Variants in BTBD16 observed in about 807,000 individuals in gnomAD.
The protein encoded by BTBD16 is BTB domain containing 16, also known as BTB/POZ domain-containing protein 16.
In BTBD16, 66 loss-of-function variants were observed where a neutral mutation model predicts 67.4. The ratio of observed to expected loss-of-function variants is 0.98; its 90% confidence interval spans 0.80 to 1.20. BTBD16 has a LOEUF of 1.20. Ranked by LOEUF, BTBD16 falls within the 50% of genes most tolerant of loss-of-function variation. The pLI is 0.00. For synonymous variants in BTBD16, 242 were observed against 236.4 expected (o/e 1.02, Z -0.22); for missense variants, 634 against 616.0 (o/e 1.03, Z -0.31).
At chr10:122,279,693 C>T (rs993652096) in intron 3 of BTBD16, among the ~76,000 whole-genome samples, 9 of 152,166 alleles carry the variant, frequency 5.9e-5, no homozygotes, top group African/African-American at 2.2e-4. Flanking sequence ...AGGTGGCAAA[C>T]TCCACTGTCA....
intron 7 of BTBD16, 57 bp from the exon 8 acceptor site, chr10:122,297,711 C>A: frequency 6.3e-7 from 1 of 1,584,704 alleles, no homozygotes; most frequent in East Asian, 2.2e-5. Flanking sequence ...CTGGGACTTT[C>A]CGCTTCTCCA....
At chr10:122,295,343 C>T in intron 7 of BTBD16, 3 of 985,412 alleles carry the variant, frequency 3.0e-6, no homozygotes. Context: ...CAGCATCAAA[C>T]TGGGATAAGC....
At chr10:122,299,188 G>T in intron 9 of BTBD16, 54 bp downstream of exon 9, 2 of 1,593,124 alleles carry the variant, frequency 1.3e-6, no homozygotes, top group South Asian at 2.3e-5. Context: ...GAGAAAGTAG[G>T]GGCCAGGCTG....
chr10:122,291,314 T>C, intron 7 of BTBD16, 120 bp downstream of exon 7: 10 of 1,254,716 alleles, frequency 8.0e-6, no homozygotes, highest in East Asian at 5.6e-5. Context: ...GGTGTCTTTG[T>C]GCCAAGCATG....
chr10:122,283,975 G>A (rs1223244252), intron 4 of BTBD16, 51 bp downstream of exon 4: 1 of 1,389,902 alleles, frequency 7.2e-7, no homozygotes. Flanking sequence ...GATTTCAGGG[G>A]CATCTTGTGG....
At chr10:122,315,888 A>T (rs2096423297) in intron 10 of BTBD16, among the ~76,000 whole-genome samples, 1 of 152,226 alleles carries the variant, frequency 6.6e-6, no homozygotes, top group African/African-American at 2.4e-5. Context: ...GAGTTCTAAT[A>T]TACATAAGTA....
chr10:122,308,685 A>C (rs2096407983), intron 10 of BTBD16, among the ~76,000 whole-genome samples: 1 of 152,102 alleles, frequency 6.6e-6, no homozygotes, highest in African/African-American at 2.4e-5. Flanking sequence ...GGGAAAGTGT[A>C]GGGCTTGGAT....
At chr10:122,313,358 G>A (rs904835151) in intron 10 of BTBD16, among the ~76,000 whole-genome samples, 1 of 143,826 alleles carries the variant, frequency 7.0e-6, no homozygotes, top group Non-Finnish European at 1.5e-5. Context: ...TCTGCCTCCC[G>A]GGTTCAAACG....
intron 10 of BTBD16, chr10:122,327,662 C>T (rs1420822303): frequency 2.1e-5 from 21 of 984,164 alleles, no homozygotes; most frequent in Non-Finnish European, 2.4e-6. Flanking sequence ...CCCAGAGGCC[C>T]CAAGGGGTCA....
intron 3 of BTBD16, among the ~76,000 whole-genome samples, chr10:122,282,749 T>G (rs1283006715): frequency 6.6e-6 from 1 of 152,222 alleles, no homozygotes; most frequent in Non-Finnish European, 1.5e-5. Context: ...ACATGCCGTA[T>G]CTGTCTTGCA....
intron 7 of BTBD16, among the ~76,000 whole-genome samples, chr10:122,296,730 T>A (rs1272140294): frequency 6.6e-6 from 1 of 152,098 alleles, no homozygotes; most frequent in Non-Finnish European, 1.5e-5. Context: ...TAGAAGGAAG[T>A]CATGCAAATC....
chr10:122,282,290 G>C (rs574862492), intron 3 of BTBD16, among the ~76,000 whole-genome samples: 1 of 152,320 alleles, frequency 6.6e-6, no homozygotes, highest in Admixed American at 6.5e-5. Flanking sequence ...GAGGGGGATC[G>C]AGGGAGGAAG....
Position 122,336,526 on chromosome 10 carries a change from T to C in BTBD16, c.1296T>C (p.Ser432=), listed in dbSNP as rs1129973. The part of the protein sequence containing the change: ...RIKHTDLESP[S]AVYEHNHVSL... ...AGCACACAGACCTGGAATCTCCCTC[T>C]GCGGTCTACGAGCACAACCACGTCA... Residue 432 remains serine, a synonymous_variant, in exon 15 of 16, where the codon TCT becomes TCC. Transcript: ENST00000260723. 551,613 of 1,604,012 alleles carry C rather than the reference T, an allele frequency of 0.34. 101,447 individuals carry two copies. The highest frequency in any genetic ancestry group is 0.73 in the East Asian group (32,695 of 44,614).
intron 10 of BTBD16, among the ~76,000 whole-genome samples, chr10:122,310,193 A>G (rs1341356217): frequency 1.3e-5 from 2 of 152,218 alleles, no homozygotes; most frequent in African/African-American, 4.8e-5. Context: ...TTCCGTTTCT[A>G]TTGATGGGTG....
chr10:122,302,660 A>T (rs776977341), intron 9 of BTBD16, among the ~76,000 whole-genome samples: 2 of 152,230 alleles, frequency 1.3e-5, no homozygotes, highest in Non-Finnish European at 2.9e-5. Context: ...ACCCCTGGGC[A>T]CCCATCTCAA....
chr10:122,293,314 C>CA lies in BTBD16; in HGVS notation c.590+2121dup, dbSNP rs2096377369. On this transcript the variant is annotated intron_variant, in intron 7 of 15. Transcript: ENST00000260723. ...TTCAATTCATTTTTTGTAGAGTTCA[C>CA]ACAGTCAGATTCAACCCCATGGATG... Among the ~76,000 whole-genome samples the CA allele has an allele frequency of 2.0e-5, 3 of 152,316 alleles. No individual in the cohort carries two copies. In the South Asian group the frequency reaches 6.2e-4, roughly 32 times the overall value.
intron 5 of BTBD16, 161 bp downstream of exon 5, chr10:122,286,409 A>T: frequency 1.4e-6 from 1 of 699,146 alleles, no homozygotes; most frequent in Non-Finnish European, 1.8e-6. Flanking sequence ...AGTTTCCTCA[A>T]GTGTAAAATG....
Position 122,291,349 on chromosome 10 carries a change from GAC to G in BTBD16, c.590+158_590+159del, listed in dbSNP as rs1378365118. On this transcript the variant is annotated intron_variant, in intron 7 of 15. Coordinates refer to ENST00000260723, the MANE Select transcript of BTBD16 (RefSeq NM_144587.5). ...GGCCTTGAGCCTGGAAAGGAACTGA[GAC>G]ACTAATTCACACTAACAGGTGAGCC... is the stretch of plus-strand genomic sequence containing the variant. The G allele has an allele frequency of 3.1e-6, 3 of 975,066 alleles. No homozygotes were observed. In the African/African-American group the frequency reaches 5.0e-5, roughly 16 times the overall value. 60.4% of individuals were successfully genotyped at this position (975,066 alleles called of 1,614,324 possible).
At chr10:122,332,308 T>A (rs1356195228) in intron 12 of BTBD16, 128 bp from the exon 13 acceptor site, 3 of 746,450 alleles carry the variant, frequency 4.0e-6, no homozygotes, top group Admixed American at 5.5e-5. Context: ...TGAATGTAAG[T>A]CTAGAGGCAA....
Sources: allele counts gnomAD v4.1 joint callset (sites outside exome capture counted in the v4.1 genomes callset), GRCh38; gene constraint gnomAD v4.1.1; transcripts MANE v1.5; gene names NCBI Gene and HGNC (gene_info 2026-07-23, HGNC 2026-07-21).